PLCL2: variants seen among roughly 807,000 people sequenced by gnomAD.
PLCL2 encodes the protein phospholipase C like 2, also known as inactive phospholipase C-like protein 2.
Under a neutral mutation model 79.6 loss-of-function variants are expected in PLCL2, and 4 were observed. The ratio of observed to expected loss-of-function variants is 0.05; its 90% CI spans 0.02 to 0.11. PLCL2 has a LOEUF of 0.11. PLCL2 is among the 10% of genes least tolerant of loss of function. PLCL2 has a pLI of 1.00. For missense variants in PLCL2, 895 were observed against 1,291.0 expected (o/e 0.69, Z 4.70); for synonymous variants, 484 against 457.7 (o/e 1.06, Z -0.73).
rs773093761 is a variant in PLCL2 at position 17,010,037 on chromosome 3, T to G, written c.691T>G (p.Leu231Val). ...IYGENYESLD[L>V]VANSADVANI... Reference sequence around the variant, plus strand: ...TGGAGAGAATTATGAGTCACTGGATTTGGTTGCCAACTCCGCAGATGTTGC... The same window carrying G: ...TGGAGAGAATTATGAGTCACTGGATGTGGTTGCCAACTCCGCAGATGTTGC... Residue 231 changes from leucine to valine, a missense_variant, in exon 2 of 6, where the codon TTG (leucine) becomes GTG (valine). Transcript: ENST00000615277. This position sits in a 1 kb window ranked among gnomAD's most constrained non-coding sequence, Gnocchi z 5.8. 1 of 1,613,174 alleles carries G rather than the reference T, an allele frequency of 6.2e-7. No homozygotes were observed. Among genetic ancestry groups the G allele is most frequent in the South Asian group, 1.1e-5 (1 of 91,072 alleles).
chr3:16,968,703 G>C (rs753695990), intron 1 of PLCL2, among the ~76,000 whole-genome samples: 1 of 152,016 alleles, frequency 6.6e-6, no homozygotes, highest in African/African-American at 2.4e-5. Flanking sequence ...GTATAGAATC[G>C]TATGTCTGCA....
chr3:17,078,529 A>G (rs1245399986), intron 5 of PLCL2, among the ~76,000 whole-genome samples: 1 of 152,046 alleles, frequency 6.6e-6, no homozygotes, highest in Non-Finnish European at 1.5e-5. Context: ...TGTTTTCCAG[A>G]TGAATGGCTG....
At position 16,956,815 on chromosome 3, in the gene PLCL2, G is replaced by A. The variant is rs918996321; in HGVS notation, c.328-52859G>A. Among the ~76,000 whole-genome samples, 234 of 152,232 alleles carry A rather than the reference G, an allele frequency of 1.5e-3. 1 individual carries two copies. Among genetic ancestry groups the A allele is most frequent in the Admixed American group, 3.4e-3 (52 of 15,282 alleles). ...CTTCTAGATTTTCTAGTTTATTTGC[G>A]TAGAGGTGTTTGTAGTATTCTCTGA... On this transcript the variant is annotated intron_variant, in intron 1 of 5. Coordinates refer to ENST00000615277, the MANE Select transcript of PLCL2 (RefSeq NM_001144382.2).
At position 17,011,948 on chromosome 3, in the gene PLCL2, G is replaced by A. The variant is rs367652304; in HGVS notation, c.2602G>A (p.Val868Ile). Residue 868 changes from valine (V) to isoleucine (I), a missense_variant, in exon 2 of 6, where the codon GTC becomes ATC. Coordinates refer to ENST00000615277, the MANE Select transcript of PLCL2 (RefSeq NM_001144382.2). This position sits in a 1 kb window ranked among gnomAD's most constrained non-coding sequence, Gnocchi z 7.9. ...CCCCCTGCAGTCCTTAACTGGAGAG[G>A]TCCTTGCACATGCTTCTTTATTTGT... ...HVPLQSLTGE[V>I]LAHASLFVHV... 5.6e-6 allele frequency: 9 copies of A among 1,614,192 alleles called. No homozygotes were observed. The highest frequency in any genetic ancestry group is 3.3e-4 in the Middle Eastern group (2 of 6,062).
At chr3:17,001,877 T>C (rs952810626) in intron 1 of PLCL2, among the ~76,000 whole-genome samples, 28 of 152,110 alleles carry the variant, frequency 1.8e-4, no homozygotes, top group Admixed American at 1.8e-3. Flanking sequence ...GGATTTTTTT[T>C]TTTACTTCTG....
At chr3:17,024,010 T>A (rs562778212) in intron 3 of PLCL2, among the ~76,000 whole-genome samples, 30 of 152,328 alleles carry the variant, frequency 2.0e-4, no homozygotes, top group African/African-American at 6.7e-4. Context: ...CAGTTCATCC[T>A]CTGGTTTGCC....
In PLCL2 at chr3:16,885,161, G is replaced by T; in HGVS notation, c.122G>T (p.Arg41Leu). ...GGGGAAGGCGGTGGCGGGGGAGGTC[G>T]CCTCGGCCACGGGCGGGCGCGCTAT... ...GVGEGGGGGG[R>L]LGHGRARYDS... The change falls in exon 1 of 6, where the codon CGC becomes CTC. Residue 41 changes from arginine (R) to leucine (L), a missense_variant. Around this residue, in one of 6 missense-constraint regions of PLCL2, gnomAD observed 110 missense variants for 42.9 expected, o/e 2.56. Coordinates refer to ENST00000615277, the MANE Select transcript of PLCL2 (RefSeq NM_001144382.2). 1 of 525,362 alleles carries T rather than the reference G, an allele frequency of 1.9e-6. No individual in the cohort carries two copies. The highest frequency in any genetic ancestry group is 3.4e-6 in the Non-Finnish European group (1 of 294,572). The allele number at this position is 525,362 out of a possible 1,614,324, so 32.5% of individuals were successfully genotyped here. A position where few individuals can be genotyped will look rare whatever the true frequency, so the allele number is the denominator to read the frequency against.
rs187676371 is a variant in PLCL2, at chr3:16,963,047, C to A, written c.328-46627C>A. On this transcript the variant is annotated intron_variant, in intron 1 of 5. Transcript: ENST00000615277. ...AGATGTAGCTAAGATATTTTTTCAA[C>A]CATGAAAAGCAGTAAGGAATAGTTT... is the stretch of plus-strand genomic sequence containing the variant. Among the ~76,000 whole-genome samples, 44 of 151,856 alleles carry A rather than the reference C, an allele frequency of 2.9e-4. No individual in the cohort carries two copies. In the East Asian group the frequency reaches 8.3e-3, roughly 29 times the overall value.
intron 3 of PLCL2, among the ~76,000 whole-genome samples, chr3:17,022,740 T>G (rs1430662731): frequency 2.0e-5 from 3 of 152,162 alleles, no homozygotes; most frequent in Non-Finnish European, 2.9e-5. Flanking sequence ...GTGGCCCTAA[T>G]TCTAGTTGAG....
At chr3:16,979,153 C>T (rs371728810) in intron 1 of PLCL2, among the ~76,000 whole-genome samples, 1 of 152,086 alleles carries the variant, frequency 6.6e-6, no homozygotes, top group African/African-American at 2.4e-5. Context: ...ATGTGACTTA[C>T]GTATTATAGG....
At chr3:16,995,852 G>A (rs925397064) in intron 1 of PLCL2, among the ~76,000 whole-genome samples, 2 of 152,128 alleles carry the variant, frequency 1.3e-5, no homozygotes, top group Admixed American at 1.3e-4. Context: ...TACTCTGGTT[G>A]GGAAGGTTTA....
At chr3:16,922,374 C>T (rs1474287756) in intron 1 of PLCL2, among the ~76,000 whole-genome samples, 1 of 152,142 alleles carries the variant, frequency 6.6e-6, no homozygotes, top group Non-Finnish European at 1.5e-5. Context: ...TTCTTTGATG[C>T]ATTGTGTCTC....
At chr3:17,089,439 A>G (rs2065252423) in intron 5 of PLCL2, among the ~76,000 whole-genome samples, 1 of 152,178 alleles carries the variant, frequency 6.6e-6, no homozygotes, top group Admixed American at 6.5e-5. Flanking sequence ...AACTAATGAA[A>G]GATGTAATTT....
intron 1 of PLCL2, among the ~76,000 whole-genome samples, chr3:16,927,477 A>G (rs938080506): frequency 1.3e-5 from 2 of 152,196 alleles, no homozygotes; most frequent in African/African-American, 4.8e-5. Context: ...CTTTGTTCTA[A>G]ATGAGATGTC....
Position 16,910,755 on chromosome 3 carries a change from A to T in PLCL2, c.327+25389A>T, listed in dbSNP as rs79548843. Among the ~76,000 whole-genome samples, 1,385 of 151,676 alleles carry T rather than the reference A, an allele frequency of 9.1e-3. 25 individuals are homozygous for T. The highest frequency in any genetic ancestry group is 0.032 in the African/African-American group (1,322 of 41,310). ...CTTTCACTTTTCATATCTGAAACAC[A>T]ACCCCCCCTTTTCCCCACCCAGCCT... On this transcript the variant is annotated intron_variant, in intron 1 of 5. Transcript: ENST00000615277.
chr3:16,988,226 C>G (rs1291527490), intron 1 of PLCL2, among the ~76,000 whole-genome samples: 1 of 152,120 alleles, frequency 6.6e-6, no homozygotes, highest in Non-Finnish European at 1.5e-5. Context: ...AACACAAGAG[C>G]CAGATACATT....
In PLCL2 at chr3:17,090,153, A is replaced by G; in HGVS notation, c.*241A>G. 9.2e-6 allele frequency: 11 copies of G among 1,200,660 alleles called. No individual in the cohort carries two copies. Among genetic ancestry groups the G allele is most frequent in the Non-Finnish European group, 1.1e-5 (11 of 966,342 alleles). 74.4% of individuals were successfully genotyped at this position (1,200,660 alleles called of 1,614,324 possible). A position where few individuals can be genotyped will look rare whatever the true frequency, so the allele number is the denominator to read the frequency against. On this transcript the variant is annotated 3_prime_UTR_variant, in exon 6 of 6. Coordinates refer to ENST00000615277, the MANE Select transcript of PLCL2 (RefSeq NM_001144382.2). ...AAATATGCTATATTTGTATACAAAGACATTCTAACTCAGTTCCAGTATGAA... is the reference window on the plus strand; with the variant it reads ...AAATATGCTATATTTGTATACAAAGGCATTCTAACTCAGTTCCAGTATGAA...
intron 1 of PLCL2, among the ~76,000 whole-genome samples, chr3:16,966,925 C>T (rs2063813610): frequency 6.6e-6 from 1 of 152,042 alleles, no homozygotes. Flanking sequence ...CCTCCTCCCA[C>T]CCTCCACCCT....
chr3:17,015,032 A>G (rs1575587970), intron 3 of PLCL2, 121 bp downstream of exon 3: 9 of 729,072 alleles, frequency 1.2e-5, no homozygotes, highest in South Asian at 6.7e-5. Context: ...TCATTCACCT[A>G]TGCTGGAGAA....
Sources: gnomAD v4.1 joint callset for allele counts (sites outside exome capture counted in the v4.1 genomes callset) on GRCh38, gnomAD v4.1.1 for gene constraint, gnomAD v4.1.1 regional missense constraint, Gnocchi (gnomAD v3.1) non-coding constraint, MANE v1.5 for transcripts, NCBI Gene and HGNC (gene_info 2026-07-23, HGNC 2026-07-21) for gene names.